The following PAM variants were observed in gnomAD, a reference collection of about 807,000 sequenced individuals.
The protein encoded by PAM is peptidyl-glycine alpha-amidating monooxygenase.
Under a neutral mutation model 122.1 loss-of-function variants are expected in PAM, and 72 were observed. The observed-to-expected ratio is 0.59, with a 90% CI of 0.49 to 0.72. The LOEUF (loss-of-function observed/expected upper bound fraction) is 0.72. PAM is among the 30% of genes least tolerant of loss of function. PAM has a pLI of 0.00. For missense variants in PAM, 1,106 were observed against 1,183.7 expected (o/e 0.93, Z 0.96); for synonymous variants, 389 against 404.4 (o/e 0.96, Z 0.46).
chr5:102,928,844 TA>T (rs1750497499), intron 7 of PAM, among the ~76,000 whole-genome samples: 1 of 152,160 alleles, frequency 6.6e-6, no homozygotes. Context: ...GCTTTTGTCC[TA>T]AAGAAAGATT....
chr5:102,929,488 G>T (rs1005524520), intron 7 of PAM, among the ~76,000 whole-genome samples: 2 of 152,086 alleles, frequency 1.3e-5, no homozygotes, highest in Non-Finnish European at 2.9e-5. Flanking sequence ...TTATTTCGTG[G>T]TTTTAAAACT....
In PAM at chr5:102,946,368, T is replaced by C. The variant is rs111475817; in HGVS notation, c.527-469T>C. On this transcript the variant is annotated intron_variant, in intron 7 of 25. Transcript: ENST00000438793. ...ATAATAAAATTCTATTTTGAAATAA[T>C]ATATGAATGTCAGTAGACTTCAGCA... 1.2e-3 allele frequency among the ~76,000 whole-genome samples: 175 copies of C among 152,094 alleles called. 1 individual carries two copies. Among genetic ancestry groups the C allele is most frequent in the Non-Finnish European group, 1.7e-3 (113 of 67,990 alleles).
At chr5:102,964,893 T>C (rs1386757030) in intron 14 of PAM, among the ~76,000 whole-genome samples, 1 of 151,814 alleles carries the variant, frequency 6.6e-6, no homozygotes, top group Non-Finnish European at 1.5e-5. Context: ...CCTATATCAA[T>C]TTGAAAATAA....
At chr5:102,923,411 G>A (rs961208014) in intron 5 of PAM, among the ~76,000 whole-genome samples, 3 of 152,088 alleles carry the variant, frequency 2.0e-5, no homozygotes, top group African/African-American at 7.2e-5. Context: ...TTTTTTCTGT[G>A]TGAGCCAACC....
At chr5:102,758,748 A>G (rs1174922951) in intron 1 of PAM, among the ~76,000 whole-genome samples, 1 of 152,220 alleles carries the variant, frequency 6.6e-6, no homozygotes, top group African/African-American at 2.4e-5. Context: ...TAAATGAGCT[A>G]ATCCATGTGT....
intron 7 of PAM, among the ~76,000 whole-genome samples, chr5:102,944,796 T>C (rs1025736935): frequency 3.2e-4 from 48 of 152,306 alleles, no homozygotes; most frequent in African/African-American, 1.1e-3. Flanking sequence ...GCTTCACTTA[T>C]GATTTTATTC....
chr5:102,962,250 T>C (rs1181454171), intron 14 of PAM, among the ~76,000 whole-genome samples: 2 of 151,842 alleles, frequency 1.3e-5, no homozygotes, highest in Non-Finnish European at 2.9e-5. Context: ...TTTTATAATA[T>C]CTCATTCTAA....
intron 1 of PAM, among the ~76,000 whole-genome samples, chr5:102,777,090 A>G (rs1757363820): frequency 6.6e-6 from 1 of 152,120 alleles, no homozygotes; most frequent in Admixed American, 6.6e-5. Flanking sequence ...GCAGTTTTCT[A>G]AACATGGGAC....
intron 1 of PAM, among the ~76,000 whole-genome samples, chr5:102,850,953 G>T (rs896473187): frequency 2.0e-5 from 3 of 152,108 alleles, no homozygotes; most frequent in Non-Finnish European, 4.4e-5. Context: ...AATGTGGGGC[G>T]ACAGGAAACT....
chr5:103,015,384 T>G (rs1264211603), intron 21 of PAM, among the ~76,000 whole-genome samples: 1 of 152,182 alleles, frequency 6.6e-6, no homozygotes, highest in Non-Finnish European at 1.5e-5. Context: ...GCTCCAGGCT[T>G]TGTCACCAGA....
At chr5:103,013,963 T>C (rs1781324848) in intron 21 of PAM, among the ~76,000 whole-genome samples, 1 of 152,178 alleles carries the variant, frequency 6.6e-6, no homozygotes, top group Non-Finnish European at 1.5e-5. Flanking sequence ...TCTCAAAGCA[T>C]AGCAACCCTG....
chr5:102,986,841 C>T (rs116577136), intron 15 of PAM, among the ~76,000 whole-genome samples: 272 of 152,248 alleles, frequency 1.8e-3, no homozygotes, highest in African/African-American at 6.1e-3. Flanking sequence ...ACCCCTTTTG[C>T]TTGGCTTGCA....
At position 102,867,294 on chromosome 5, in the gene PAM, AT is replaced by A; in HGVS notation, c.115del (p.Ser39ProfsTer11). 2 of 1,604,246 alleles carry A rather than the reference AT, an allele frequency of 1.2e-6. No homozygotes were observed. The highest frequency in any genetic ancestry group is 1.7e-6 in the Non-Finnish European group (2 of 1,171,414). On this transcript the variant is annotated frameshift_variant, in exon 3 of 26. Transcript: ENST00000438793. LOFTEE classifies it high-confidence loss of function. ...FKRFKETTRPFSNECLGTTRP... is the reference protein window; with the variant it reads ...FKRFKETTRPXSNECLGTTRP... Reference sequence around the variant, plus strand: ...TAAGGTTTAAAGAAACTACCAGACCATTTTCCAATGAATGTCTTGGTACCAC... The same window carrying A: ...TAAGGTTTAAAGAAACTACCAGACCATTTCCAATGAATGTCTTGGTACCAC...
chr5:102,888,735 T>C (rs1329678044), intron 3 of PAM, among the ~76,000 whole-genome samples: 1 of 151,968 alleles, frequency 6.6e-6, no homozygotes, highest in Non-Finnish European at 1.5e-5. Flanking sequence ...AAACTTAATG[T>C]CTCTTTTCTG....
rs2035811695 is a variant in PAM at position 102,867,347 on chromosome 5, C to T, written c.164C>T (p.Ser55Leu). The T allele has an allele frequency of 6.2e-7, 1 of 1,607,544 alleles. No individual in the cohort carries two copies. Among genetic ancestry groups the T allele is most frequent in the Admixed American group, 1.7e-5 (1 of 59,978 alleles). ...TTRPVVPIDS[S>L]DFALDIRMPG... is the part of the protein sequence containing the mutation. ...AGACCCGTAGTTCCTATTGATTCAT[C>T]AGATTTTGCATTGGATATTCGCATG... is the stretch of plus-strand genomic sequence containing the variant. The change falls in exon 3 of 26, where the codon TCA becomes TTA. Residue 55 changes from serine to leucine, a missense_variant. Ser to Leu is a moderately radical substitution (Grantham distance 145). Coordinates refer to ENST00000438793, the MANE Select transcript of PAM (RefSeq NM_001177306.2).
chr5:102,832,867 C>T (rs1394802402), intron 1 of PAM, among the ~76,000 whole-genome samples: 1 of 152,174 alleles, frequency 6.6e-6, no homozygotes, highest in East Asian at 1.9e-4. Context: ...GGTTTTGAGG[C>T]AGACAGTCCT....
At chr5:102,866,348 A>G in intron 2 of PAM, 64 bp downstream of exon 2, 1 of 1,086,842 alleles carries the variant, frequency 9.2e-7, no homozygotes. Flanking sequence ...ACTTTTATGA[A>G]CCTGAGTGTT....
At chr5:103,030,700 A>C (rs982472316), downstream of PAM, 1 of 152,228 alleles carries the variant, frequency 6.6e-6, no homozygotes, top group East Asian at 1.9e-4. Flanking sequence ...TGCCTGAGAA[A>C]TGTCCCAGAG....
chr5:102,811,056 G>A (rs574443379), intron 1 of PAM, among the ~76,000 whole-genome samples: 1 of 152,228 alleles, frequency 6.6e-6, no homozygotes, highest in South Asian at 2.1e-4. Flanking sequence ...TCATTTTCAT[G>A]GCAGCATACT....
Sources: allele counts gnomAD v4.1 joint callset (sites outside exome capture counted in the v4.1 genomes callset), GRCh38; gene constraint gnomAD v4.1.1; transcripts MANE v1.5; gene names NCBI Gene and HGNC (gene_info 2026-07-23, HGNC 2026-07-21).